CFAP77: variants seen among roughly 807,000 people sequenced by gnomAD.
The protein encoded by CFAP77 is cilia and flagella associated protein 77.
CFAP77 carries 25 observed loss-of-function variants against 31.1 expected under a neutral mutation model. The observed-to-expected ratio is 0.80, with a 90% CI of 0.59 to 1.12. The LOEUF is 1.12. CFAP77 is among the 50% of genes most tolerant of loss of function. CFAP77 has a pLI of 0.00. For synonymous variants in CFAP77, 151 were observed against 159.9 expected, an observed-to-expected ratio of 0.94 and a Z score of 0.42; for missense variants, 377 against 397.3, an observed-to-expected ratio of 0.95 and a Z score of 0.44.
At chr9:132,555,829 A>G (rs1852895733) in intron 5 of CFAP77, among the ~76,000 whole-genome samples, 1 of 152,096 alleles carries the variant, frequency 6.6e-6, no homozygotes, top group African/African-American at 2.4e-5. Flanking sequence ...GCGTTGTGAG[A>G]TGGGGGTGAG....
chr9:132,494,662 GCA>G (rs112939190), intron 1 of CFAP77, among the ~76,000 whole-genome samples: 14,110 of 152,172 alleles, frequency 0.093, 1,035 homozygotes, highest in African/African-American at 0.21. Context: ...GTGCCAAACA[GCA>G]CTATCCACGG....
intron 1 of CFAP77, among the ~76,000 whole-genome samples, chr9:132,486,154 G>A (rs1438725402): frequency 8.2e-5 from 11 of 133,754 alleles, no homozygotes; most frequent in African/African-American, 2.9e-4. Context: ...GTGCGGTGGC[G>A]CAATCTCGGC....
intron 1 of CFAP77, chr9:132,482,171 C>A: frequency 3.5e-6 from 2 of 576,372 alleles, no homozygotes; most frequent in Non-Finnish European, 6.1e-6. Flanking sequence ...TTTTCCTTTT[C>A]TCTCTTTCTT....
intron 5 of CFAP77, among the ~76,000 whole-genome samples, chr9:132,561,362 T>TA (rs1829798810): frequency 6.6e-6 from 1 of 150,718 alleles, no homozygotes; most frequent in African/African-American, 2.4e-5. Context: ...TTTAAATCTG[T>TA]TTTCCCCCCC....
intron 1 of CFAP77, among the ~76,000 whole-genome samples, chr9:132,413,995 C>T (rs964665836): frequency 1.3e-5 from 2 of 152,152 alleles, no homozygotes; most frequent in African/African-American, 2.4e-5. Context: ...GATCAAGGCC[C>T]AGCGAGGGGA....
intron 1 of CFAP77, among the ~76,000 whole-genome samples, chr9:132,465,686 C>T (rs1223587944): frequency 6.6e-6 from 1 of 152,204 alleles, no homozygotes; most frequent in South Asian, 2.1e-4. Flanking sequence ...ACTTGTACAA[C>T]AAGCATGAAG....
Position 132,539,208 on chromosome 9 carries a change from G to A in CFAP77, c.630+1502G>A, listed in dbSNP as rs1852599101. Reference sequence around the variant, plus strand: ...TCGGCAGTAGGTCCAGACTGACGATGGTAAAATCAGAATCACTCTATGTTC... The same window carrying A: ...TCGGCAGTAGGTCCAGACTGACGATAGTAAAATCAGAATCACTCTATGTTC... On this transcript the variant is annotated intron_variant, in intron 4 of 5. Transcript: ENST00000393216. The surrounding 1 kb of genome is among the most constrained non-coding windows in gnomAD (Gnocchi z 4.3). 2.0e-5 allele frequency among the ~76,000 whole-genome samples: 3 copies of A among 152,212 alleles called. No individual in the cohort carries two copies. The highest frequency in any genetic ancestry group is 4.8e-5 in the African/African-American group (2 of 41,438).
At chr9:132,439,848 CAAAAAAAAAAAAAA>C (rs1225152331) in intron 1 of CFAP77, among the ~76,000 whole-genome samples, 2 of 44,616 alleles carry the variant, frequency 4.5e-5, no homozygotes, top group Non-Finnish European at 9.5e-5. Context: ...GACTCCGTCT[CAAAAAAAAAAAAAA>C]AAAAAAAAGA....
chr9:132,470,264 G>A (rs148832650), intron 1 of CFAP77, among the ~76,000 whole-genome samples: 21 of 152,294 alleles, frequency 1.4e-4, no homozygotes, highest in South Asian at 4.1e-4. Flanking sequence ...TCAGTGTCTC[G>A]CTGAGTCATT....
At chr9:132,544,281 A>G (rs1002777778) in intron 5 of CFAP77, among the ~76,000 whole-genome samples, 4 of 152,232 alleles carry the variant, frequency 2.6e-5, no homozygotes, top group Admixed American at 1.3e-4. Flanking sequence ...AGGGAGGAAC[A>G]GGGCCGAGTA....
intron 1 of CFAP77, among the ~76,000 whole-genome samples, chr9:132,419,409 A>G (rs1428772109): frequency 2.0e-5 from 3 of 152,196 alleles, no homozygotes; most frequent in Non-Finnish European, 4.4e-5. Flanking sequence ...GGCGTCAGAG[A>G]AGCAGCCCCA....
At chr9:132,486,074 A>T (rs1243357736) in intron 1 of CFAP77, among the ~76,000 whole-genome samples, 3 of 16,442 alleles carry the variant, frequency 1.8e-4, no homozygotes, top group Non-Finnish European at 2.9e-4. Context: ...GTGTATATAT[A>T]TATATATATA....
intron 1 of CFAP77, among the ~76,000 whole-genome samples, chr9:132,411,604 A>G (rs1850003582): frequency 6.6e-6 from 1 of 152,164 alleles, no homozygotes; most frequent in Non-Finnish European, 1.5e-5. Context: ...AAAGTGGAAC[A>G]AGGTCCTTCA....
At chr9:132,529,507 T>TAAAAAAAA (rs750691279) in intron 3 of CFAP77, among the ~76,000 whole-genome samples, 6 of 108,836 alleles carry the variant, frequency 5.5e-5, no homozygotes, top group African/African-American at 2.0e-4. Flanking sequence ...TAGAGTATAA[T>TAAAAAAAA]AAAAAAAAAA....
Position 132,498,678 on chromosome 9 carries a change from T to C in CFAP77, c.196-17T>C. The C allele has an allele frequency of 1.3e-6, 2 of 1,597,112 alleles. No homozygotes were observed. Among genetic ancestry groups the C allele is most frequent in the Non-Finnish European group, 1.7e-6 (2 of 1,168,180 alleles). Reference sequence around the variant, plus strand: ...GACTCCACTCCTCACCTCTGCTCTCTGTCCTTCCCCCGACAGGCTGAACTC... The same window carrying C: ...GACTCCACTCCTCACCTCTGCTCTCCGTCCTTCCCCCGACAGGCTGAACTC... On this transcript the variant is annotated splice_polypyrimidine_tract_variant and intron_variant, in intron 1 of 5. Transcript: ENST00000393216. This position sits in a 1 kb window ranked among gnomAD's most constrained non-coding sequence, Gnocchi z 4.2.
intron 1 of CFAP77, among the ~76,000 whole-genome samples, chr9:132,437,275 G>C (rs1409259603): frequency 2.0e-5 from 3 of 152,124 alleles, no homozygotes; most frequent in Non-Finnish European, 4.4e-5. Context: ...TTGTTTGTTT[G>C]CTCTTTTCTT....
chr9:132,570,272 G>A (rs1028710208), intron 5 of CFAP77, among the ~76,000 whole-genome samples: 1 of 152,246 alleles, frequency 6.6e-6, no homozygotes, highest in African/African-American at 2.4e-5. Flanking sequence ...GATTGATGGA[G>A]ATCAGTTGCA....
In CFAP77 at chr9:132,564,829, C is replaced by T. The variant is rs574811103; in HGVS notation, c.733-7559C>T. The stretch of plus-strand genomic sequence containing the variant: ...TTCAAATGAGTTAGAAAATGGGGCC[C>T]ACCGCTCTAGATGCGGGAAGCAAAG... On this transcript the variant is annotated intron_variant, in intron 5 of 5. Transcript: ENST00000393216. The surrounding 1 kb of genome is among the most constrained non-coding windows in gnomAD (Gnocchi z 4.6). 7.9e-5 allele frequency among the ~76,000 whole-genome samples: 12 copies of T among 152,284 alleles called. No individual in the cohort carries two copies. The South Asian group carries it at 2.3e-3, about 29-fold the overall frequency.
chr9:132,461,320 G>A (rs530743460), intron 1 of CFAP77, among the ~76,000 whole-genome samples: 10 of 152,320 alleles, frequency 6.6e-5, no homozygotes, highest in Admixed American at 1.3e-4. Flanking sequence ...GGGTGTGCCC[G>A]GGTTCTGGGA....
Sources: allele counts gnomAD v4.1 joint callset (sites outside exome capture counted in the v4.1 genomes callset), GRCh38; gene constraint gnomAD v4.1.1; non-coding constraint Gnocchi (gnomAD v3.1); transcripts MANE v1.5; gene names NCBI Gene and HGNC (gene_info 2026-07-23, HGNC 2026-07-21).